The following SDK1 variants were observed in gnomAD, a reference collection of about 807,000 sequenced individuals.
SDK1 encodes sidekick cell adhesion molecule 1, also known as protein sidekick-1.
SDK1 carries 157 observed loss-of-function variants against 245.5 expected under a neutral mutation model. The ratio of observed to expected loss-of-function variants is 0.64; its 90% CI spans 0.56 to 0.73. SDK1 has a LOEUF of 0.73. SDK1 is among the 30% of genes least tolerant of loss of function. The pLI is 0.00. For synonymous variants in SDK1, 1,647 were observed against 1,278.5 expected (o/e 1.29, Z -6.15); for missense variants, 3,583 against 3,002.3 (o/e 1.19, Z -4.52).
At chr7:3,986,050 G>A (rs977132835) in intron 13 of SDK1, among the ~76,000 whole-genome samples, 1 of 152,034 alleles carries the variant, frequency 6.6e-6, no homozygotes, top group East Asian at 1.9e-4. Flanking sequence ...GGACAGCCCC[G>A]GAACAGGGTC....
intron 1 of SDK1, among the ~76,000 whole-genome samples, chr7:3,323,802 A>G (rs918345352): frequency 2.6e-5 from 4 of 152,212 alleles, no homozygotes; most frequent in African/African-American, 9.7e-5. Flanking sequence ...ATCTTTAGTT[A>G]CAGGTTCCAG....
chr7:3,531,995 C>G (rs1357036678), intron 1 of SDK1, among the ~76,000 whole-genome samples: 6 of 152,182 alleles, frequency 3.9e-5, no homozygotes, highest in Non-Finnish European at 7.3e-5. Context: ...GGTAACTGAT[C>G]ATAAATTAGT....
chr7:3,509,139 C>A (rs1307257796), intron 1 of SDK1, among the ~76,000 whole-genome samples: 2 of 151,740 alleles, frequency 1.3e-5, no homozygotes, highest in Non-Finnish European at 2.9e-5. Context: ...ACACAGACAT[C>A]CATCCATCTT....
chr7:4,068,680 G>A (rs981837993), intron 20 of SDK1, among the ~76,000 whole-genome samples: 7 of 150,724 alleles, frequency 4.6e-5, no homozygotes, highest in African/African-American at 1.5e-4. Context: ...GGTCTCTGTG[G>A]GAGACAGCTC....
chr7:3,548,415 G>A (rs927671894), intron 1 of SDK1, among the ~76,000 whole-genome samples: 1 of 152,186 alleles, frequency 6.6e-6, no homozygotes, highest in Non-Finnish European at 1.5e-5. Context: ...AAACTACTGA[G>A]CTACATTTTA....
intron 4 of SDK1, among the ~76,000 whole-genome samples, chr7:3,806,171 T>C (rs554451868): frequency 6.6e-6 from 1 of 152,336 alleles, no homozygotes; most frequent in South Asian, 2.1e-4. Flanking sequence ...CTGCTGGGAC[T>C]TTGTCTCACA....
intron 23 of SDK1, among the ~76,000 whole-genome samples, chr7:4,112,398 C>T (rs575984826): frequency 6.6e-6 from 1 of 152,164 alleles, no homozygotes; most frequent in Non-Finnish European, 1.5e-5. Context: ...ACGCAGCTTG[C>T]GTTTTCCTTG....
chr7:4,159,065 C>G (rs562173709), intron 31 of SDK1, among the ~76,000 whole-genome samples: 2 of 152,202 alleles, frequency 1.3e-5, no homozygotes, highest in African/African-American at 4.8e-5. Flanking sequence ...CTATCAGCCG[C>G]GTCCAGCGGT....
intron 1 of SDK1, among the ~76,000 whole-genome samples, chr7:3,567,542 G>A (rs992957026): frequency 5.9e-5 from 9 of 152,178 alleles, no homozygotes; most frequent in African/African-American, 1.9e-4. Context: ...ATGGAAAAAA[G>A]GTAAATGAGG....
At chr7:3,694,612 G>C (rs181332073) in intron 4 of SDK1, among the ~76,000 whole-genome samples, 1 of 152,082 alleles carries the variant, frequency 6.6e-6, no homozygotes, top group African/African-American at 2.4e-5. Flanking sequence ...GAGACAGTAG[G>C]TGATCCAGTG....
At chr7:3,576,666 C>G (rs546478920) in intron 1 of SDK1, among the ~76,000 whole-genome samples, 4 of 152,094 alleles carry the variant, frequency 2.6e-5, no homozygotes, top group African/African-American at 4.8e-5. Context: ...GTTATCGATA[C>G]CCATGTGACT....
intron 1 of SDK1, among the ~76,000 whole-genome samples, chr7:3,523,862 T>G (rs949961854): frequency 1.3e-5 from 2 of 152,232 alleles, no homozygotes; most frequent in Admixed American, 1.3e-4. Context: ...GTTGTACATT[T>G]GGTTTTCTAC....
intron 27 of SDK1, among the ~76,000 whole-genome samples, chr7:4,131,637 C>G (rs928637307): frequency 6.6e-6 from 1 of 152,214 alleles, no homozygotes; most frequent in Non-Finnish European, 1.5e-5. Flanking sequence ...CACACACTTA[C>G]TTGCCTGTTC....
chr7:3,571,188 C>T (rs1438105225), intron 1 of SDK1, among the ~76,000 whole-genome samples: 5 of 151,944 alleles, frequency 3.3e-5, no homozygotes, highest in African/African-American at 7.2e-5. Flanking sequence ...AGCTGAACTG[C>T]GTAAATTTTA....
intron 16 of SDK1, 83 bp from the exon 17 acceptor site, chr7:4,017,087 CT>C (rs1323772530): frequency 1.9e-5 from 26 of 1,347,898 alleles, no homozygotes; most frequent in Non-Finnish European, 2.5e-5. Flanking sequence ...CCATTTCCCC[CT>C]AACCCTGCGG....
chr7:4,224,875 C>A (rs568850687), intron 40 of SDK1, among the ~76,000 whole-genome samples: 1 of 149,140 alleles, frequency 6.7e-6, no homozygotes, highest in African/African-American at 2.5e-5. Context: ...CCCAGCTACT[C>A]GGGAAGCTGA....
At chr7:3,396,463 A>G (rs901815973) in intron 1 of SDK1, among the ~76,000 whole-genome samples, 5 of 151,586 alleles carry the variant, frequency 3.3e-5, no homozygotes, top group African/African-American at 7.3e-5. Flanking sequence ...TACTTGTTCT[A>G]TTCATTATTG....
At chr7:3,905,135 A>C (rs1211054576) in intron 5 of SDK1, among the ~76,000 whole-genome samples, 1 of 151,646 alleles carries the variant, frequency 6.6e-6, no homozygotes, top group Admixed American at 6.6e-5. Context: ...TTTCCAATTC[A>C]TATCCTGGAA....
intron 37 of SDK1, 55 bp downstream of exon 37, chr7:4,208,340 AGC>A: frequency 6.5e-7 from 1 of 1,539,778 alleles, no homozygotes; most frequent in Non-Finnish European, 8.9e-7. Context: ...GTGTTTTGAG[AGC>A]GCCAGCTCAG....
Sources: allele counts gnomAD v4.1 joint callset (sites outside exome capture counted in the v4.1 genomes callset), GRCh38; gene constraint gnomAD v4.1.1; transcripts MANE v1.5; gene names NCBI Gene and HGNC (gene_info 2026-07-23, HGNC 2026-07-21).